Variants in BPTF observed in about 807,000 individuals in gnomAD.
BPTF encodes the protein bromodomain PHD finger transcription factor, also known as nucleosome-remodeling factor subunit BPTF.
In BPTF, 18 loss-of-function variants were observed where a neutral mutation model predicts 292.5. That is an observed-to-expected ratio of 0.06 (90% confidence interval 0.04 to 0.09). The LOEUF is 0.09. BPTF is among the 10% of genes least tolerant of loss of function. The pLI is 1.00. For synonymous variants in BPTF, 1,225 were observed against 1,251.9 expected (o/e 0.98, Z 0.45); for missense variants, 2,726 against 3,498.7 (o/e 0.78, Z 5.57).
In BPTF at chr17:67,874,972, A is replaced by T; in HGVS notation, c.1816A>T (p.Ser606Cys). ...TGAAGACCAGTCCCTTGAAAAAGAC[A>T]GTGACGACAAAACACCAGATGATGA... The part of the protein sequence containing the change: ...EFEDQSLEKD[S>C]DDKTPDDDPE... The change falls in exon 4 of 28, where the codon AGT becomes TGT. Residue 606 changes from serine (S) to cysteine (C), a missense_variant. Ser to Cys is a moderately radical substitution (Grantham distance 112). Coordinates refer to ENST00000306378, the MANE Select transcript of BPTF (RefSeq NM_182641.4). The T allele has an allele frequency of 6.2e-7, 1 of 1,613,888 alleles. No homozygotes were observed. Among genetic ancestry groups the T allele is most frequent in the Non-Finnish European group, 8.5e-7 (1 of 1,179,898 alleles).
intron 17 of BPTF, 115 bp downstream of exon 17, chr17:67,929,602 GTGACAGAGTACTGATT>G (rs1332782094): frequency 1.6e-6 from 2 of 1,249,416 alleles, no homozygotes; most frequent in Non-Finnish European, 2.2e-6. Context: ...TACTGAATCT[GTGACAGAGTACTGATT>G]TGGAAAAAAA....
chr17:67,930,683 C>T (rs1036975509), intron 17 of BPTF, among the ~76,000 whole-genome samples: 2 of 152,106 alleles, frequency 1.3e-5, no homozygotes, highest in African/African-American at 2.4e-5. Flanking sequence ...GTAGCTCAAG[C>T]CTGTAATGCC....
At position 67,982,260 on chromosome 17, in the gene BPTF, A is replaced by G; in HGVS notation, c.8735A>G (p.Asn2912Ser). The change falls in exon 28 of 28, where the codon AAC (asparagine) becomes AGC (serine). Residue 2912 changes from asparagine (N) to serine (S), a missense_variant. By Grantham distance (46) the Asn-to-Ser change is conservative (BLOSUM62 1). Transcript: ENST00000306378. ...LKGFKASRSH[N>S]NKLQSTAS ...TTTTCTATATTCTGTAGGTCTCATA[A>G]CAACAAACTGCAGTCTACAGCTTCT... 6.2e-7 allele frequency: 1 copy of G among 1,611,636 alleles called. No homozygotes were observed. The highest frequency in any genetic ancestry group is 8.5e-7 in the Non-Finnish European group (1 of 1,178,264).
chr17:67,944,979 G>A (rs1299224892), intron 20 of BPTF, among the ~76,000 whole-genome samples: 2 of 152,046 alleles, frequency 1.3e-5, no homozygotes, highest in African/African-American at 2.4e-5. Flanking sequence ...GTGTCCAAAT[G>A]GAGCATTTCA....
rs563219257 is a variant in BPTF at position 67,946,007 on chromosome 17, T to G, written c.7299T>G (p.Ile2433Met). 1 of 1,614,196 alleles carries G rather than the reference T, an allele frequency of 6.2e-7. No individual in the cohort carries two copies. The highest frequency in any genetic ancestry group is 1.1e-5 in the South Asian group (1 of 91,084). Residue 2433 changes from isoleucine to methionine, a missense_variant, in exon 21 of 28, where the codon ATT becomes ATG. Ile to Met is a conservative substitution (Grantham distance 10). Coordinates refer to ENST00000306378, the MANE Select transcript of BPTF (RefSeq NM_182641.4). ...LQIQQPQPQV[I>M]AVPQLQQQVQ... ...TACAGCAGCCACAGCCCCAAGTCAT[T>G]GCTGTGCCTCAGCTGCAACAACAAG...
chr17:67,876,900 G>C (rs914513112), intron 4 of BPTF, among the ~76,000 whole-genome samples: 2 of 152,160 alleles, frequency 1.3e-5, no homozygotes, highest in African/African-American at 4.8e-5. Flanking sequence ...TATAGCAACT[G>C]TCAGTGGCCG....
At chr17:67,877,585 C>T (rs910628821) in intron 4 of BPTF, among the ~76,000 whole-genome samples, 2 of 152,150 alleles carry the variant, frequency 1.3e-5, no homozygotes, top group Non-Finnish European at 2.9e-5. Context: ...AGATAACTGT[C>T]AGATTGGAAA....
At chr17:67,966,914 A>T (rs1555687786) in intron 26 of BPTF, among the ~76,000 whole-genome samples, 1 of 151,874 alleles carries the variant, frequency 6.6e-6, no homozygotes, top group African/African-American at 2.4e-5. Context: ...ATCCTGGCCA[A>T]CATGGTGAAA....
rs12451856 is a variant in BPTF, at chr17:67,960,800, A to G, written c.8261+925A>G. On this transcript the variant is annotated intron_variant, in intron 24 of 27. Coordinates refer to ENST00000306378, the MANE Select transcript of BPTF (RefSeq NM_182641.4). ...CTAAAATAAAATTGTGGTCCCTTTA[A>G]TGATGTTCAAGTTGCAACATTGAAG... Among the ~76,000 whole-genome samples, 1,085 of 152,346 alleles carry G rather than the reference A, an allele frequency of 7.1e-3. 5 individuals carry two copies. Among genetic ancestry groups the G allele is most frequent in the Middle Eastern group, 0.02 (6 of 294 alleles).
In BPTF at chr17:67,980,049, A is replaced by C. The variant is rs184907290; in HGVS notation, c.8727-2203A>C. Among the ~76,000 whole-genome samples the C allele has an allele frequency of 9.0e-3, 1,327 of 147,720 alleles. 26 individuals are homozygous for C. The highest frequency in any genetic ancestry group is 0.031 in the African/African-American group (1,238 of 39,892). ...CTCCGTCTGAAAACAAACAAACAAAAAAAAACCTACCCAGGCCGGGTGTGG... is the reference window on the plus strand; with the variant it reads ...CTCCGTCTGAAAACAAACAAACAAACAAAAACCTACCCAGGCCGGGTGTGG... On this transcript the variant is annotated intron_variant, in intron 27 of 27. Coordinates refer to ENST00000306378, the MANE Select transcript of BPTF (RefSeq NM_182641.4).
chr17:67,966,927 C>T (rs1279199887), intron 26 of BPTF, among the ~76,000 whole-genome samples: 11 of 151,546 alleles, frequency 7.3e-5, no homozygotes, highest in Non-Finnish European at 2.9e-5. Context: ...TGGTGAAACC[C>T]CATCTCTACT....
chr17:67,856,462 T>C (rs2058698331), intron 2 of BPTF, among the ~76,000 whole-genome samples: 1 of 152,232 alleles, frequency 6.6e-6, no homozygotes. Context: ...TTGGTTTTTC[T>C]ATTTCATATT....
intron 26 of BPTF, among the ~76,000 whole-genome samples, chr17:67,967,815 T>C (rs1455956296): frequency 1.5e-5 from 2 of 133,746 alleles, no homozygotes; most frequent in African/African-American, 3.3e-5. Flanking sequence ...CGAGACTCTG[T>C]CAAAAAAAAA....
At chr17:67,856,203 G>T (rs2058682133) in intron 2 of BPTF, among the ~76,000 whole-genome samples, 1 of 152,004 alleles carries the variant, frequency 6.6e-6, no homozygotes, top group Non-Finnish European at 1.5e-5. Flanking sequence ...TATGTGTTCA[G>T]TTTTTTAAGA....
rs1341127491 is a variant in BPTF, at chr17:67,826,048, C to T, written c.324C>T (p.Gly108=). The change falls in exon 1 of 28, where the codon GGC becomes GGT. Residue 108 remains glycine (G), a synonymous_variant. Transcript: ENST00000306378. ...GGGRTGGGGG[G]GHLARTTAAR... is the part of the protein sequence containing the mutation. ...GCAGGACGGGGGGCGGGGGCGGCGG[C>T]GGCCACCTGGCCCGGACCACCGCGG... is the stretch of plus-strand genomic sequence containing the variant. 3 of 1,185,252 alleles carry T rather than the reference C, an allele frequency of 2.5e-6. No individual in the cohort carries two copies. Among genetic ancestry groups the T allele is most frequent in the South Asian group, 3.0e-5 (1 of 33,714 alleles). The allele number at this position is 1,185,252 out of a possible 1,614,324, so 73.4% of individuals were successfully genotyped here.
chr17:67,898,080 CA>C (rs1449858297), intron 7 of BPTF, among the ~76,000 whole-genome samples: 1 of 152,106 alleles, frequency 6.6e-6, no homozygotes, highest in African/African-American at 2.4e-5. Flanking sequence ...TTTAAGAAGT[CA>C]AAGAAAGGCT....
intron 4 of BPTF, among the ~76,000 whole-genome samples, chr17:67,881,854 T>TTCTG (rs2060433387): frequency 2.2e-4 from 2 of 9,020 alleles, no homozygotes; most frequent in African/African-American, 5.0e-4. Flanking sequence ...GATTTTGGGT[T>TTCTG]TTTGTTTTTT....
intron 26 of BPTF, among the ~76,000 whole-genome samples, chr17:67,968,825 A>T (rs1284071570): frequency 4.0e-5 from 6 of 150,686 alleles, no homozygotes; most frequent in Non-Finnish European, 7.4e-5. Context: ...AATAAATACT[A>T]TACAAAATTA....
At chr17:67,923,946 A>G (rs925575117) in intron 14 of BPTF, among the ~76,000 whole-genome samples, 9 of 150,478 alleles carry the variant, frequency 6.0e-5, no homozygotes, top group Non-Finnish European at 8.9e-5. Flanking sequence ...GATTCAAGCA[A>G]TTCTCCTGCC....
Sources: gnomAD v4.1 joint callset for allele counts (sites outside exome capture counted in the v4.1 genomes callset) on GRCh38, gnomAD v4.1.1 for gene constraint, MANE v1.5 for transcripts, NCBI Gene and HGNC (gene_info 2026-07-23, HGNC 2026-07-21) for gene names.